Variants in SULT1C2 observed in about 807,000 individuals in gnomAD.
SULT1C2 encodes the protein sulfotransferase 1C2.
In SULT1C2, 27 loss-of-function variants were observed where a neutral mutation model predicts 36.0. The observed-to-expected ratio is 0.75, with a 90% CI of 0.55 to 1.03. The LOEUF (loss-of-function observed/expected upper bound fraction) is 1.03, where lower values mean the gene tolerates loss of function less well. Among genes scored for constraint, SULT1C2 ranks in the 50% least tolerant of loss-of-function variants. SULT1C2 has a pLI of 0.00. For missense variants in SULT1C2, 395 were observed against 359.2 expected (o/e 1.10, Z -0.80); for synonymous variants, 121 against 116.0 (o/e 1.04, Z -0.27).
At chr2:108,298,009 G>A (rs1470081564) in intron 3 of SULT1C2, among the ~76,000 whole-genome samples, 1 of 152,208 alleles carries the variant, frequency 6.6e-6, no homozygotes, top group African/African-American at 2.4e-5. Context: ...ACTGCCCACA[G>A]GGCATTAAAT....
At chr2:108,294,402 C>T in intron 3 of SULT1C2, 48 bp downstream of exon 3, 2 of 1,572,480 alleles carry the variant, frequency 1.3e-6, no homozygotes, top group Non-Finnish European at 1.7e-6. Flanking sequence ...TTCCCTCTCT[C>T]TTCTGTTTTC....
chr2:108,304,837 C>A, intron 5 of SULT1C2, 137 bp downstream of exon 5: 1 of 1,214,808 alleles, frequency 8.2e-7, no homozygotes, highest in Non-Finnish European at 1.1e-6. Context: ...CTGGGCAGAG[C>A]AAGCTGGCCA....
intron 3 of SULT1C2, chr2:108,299,875 A>G (rs901260243): frequency 4.6e-5 from 7 of 152,226 alleles, no homozygotes; most frequent in African/African-American, 1.7e-4. Context: ...TGGATATACA[A>G]TGGAACATTA....
At chr2:108,290,890 A>T (rs1371117517) in intron 1 of SULT1C2, among the ~76,000 whole-genome samples, 1 of 152,268 alleles carries the variant, frequency 6.6e-6, no homozygotes, top group African/African-American at 2.4e-5. Flanking sequence ...CTTTTTGTTC[A>T]TAACTATGTA....
At position 108,308,589 on chromosome 2, in the gene SULT1C2, C is replaced by A; in HGVS notation, c.*125C>A. On this transcript the variant is annotated 3_prime_UTR_variant, in exon 8 of 8. Transcript: ENST00000251481. ...ATGTATACAATGTAGTACAAACAAT[C>A]TCTGTGATGATTAACAGTATGTCAC... 1 of 726,428 alleles carries A rather than the reference C, an allele frequency of 1.4e-6. No individual in the cohort carries two copies. The highest frequency in any genetic ancestry group is 2.1e-6 in the Non-Finnish European group (1 of 465,118). The allele number at this position is 726,428 out of a possible 1,614,324, so 45.0% of individuals were successfully genotyped here.
chr2:108,303,938 G>A (rs1197592623), intron 4 of SULT1C2: 3 of 152,230 alleles, frequency 2.0e-5, no homozygotes, highest in Admixed American at 2.0e-4. Flanking sequence ...TCATAGATCT[G>A]AGATGCATAG....
At chr2:108,297,914 T>C (rs1463846344) in intron 3 of SULT1C2, among the ~76,000 whole-genome samples, 1 of 152,168 alleles carries the variant, frequency 6.6e-6, no homozygotes, top group East Asian at 1.9e-4. Flanking sequence ...GCAGGAAGGA[T>C]GACTGTGAGC....
intron 3 of SULT1C2, among the ~76,000 whole-genome samples, chr2:108,296,844 G>A (rs527512427): frequency 5.3e-4 from 80 of 152,266 alleles, no homozygotes; most frequent in South Asian, 1.2e-3. Flanking sequence ...CATGGCTGTC[G>A]GCCAAAGGTC....
rs766173114 is a variant in SULT1C2, at chr2:108,308,347, T to C, written c.779-5T>C. 8.2e-5 allele frequency: 132 copies of C among 1,601,416 alleles called. 1 individual carries two copies. In the Admixed American group the frequency reaches 1.5e-3, roughly 18 times the overall value. ...GACACTCCTGTCTGGCCTTCCTTTT[T>C]CTAGGAACTGTGGGGGATTGGAAAA... is the stretch of plus-strand genomic sequence containing the variant. On this transcript the variant is annotated splice_region_variant and splice_polypyrimidine_tract_variant and intron_variant, in intron 7 of 7. Transcript: ENST00000251481.
intron 6 of SULT1C2, 27 bp downstream of exon 6, chr2:108,305,293 AT>A: frequency 6.2e-7 from 1 of 1,613,490 alleles, no homozygotes; most frequent in Non-Finnish European, 8.5e-7. Flanking sequence ...CAGAAGAACC[AT>A]TTTAAAGTGG....
chr2:108,308,476 ATAAAAT>A lies in SULT1C2; in HGVS notation c.*18_*23del. 6.3e-7 allele frequency: 1 copy of A among 1,592,078 alleles called. No homozygotes were observed. Among genetic ancestry groups the A allele is most frequent in the Non-Finnish European group, 8.5e-7 (1 of 1,172,478 alleles). ...GCATGGAACTCTGAGCAAGATGTAA[ATAAAAT>A]TAAAAGGTGGATGGCAAGAGTGCAA... On this transcript the variant is annotated 3_prime_UTR_variant, in exon 8 of 8. Coordinates refer to ENST00000251481, the MANE Select transcript of SULT1C2 (RefSeq NM_001056.4).
In SULT1C2 at chr2:108,290,028, G is replaced by T. The variant is rs143831133; in HGVS notation, c.-22+958G>T. On this transcript the variant is annotated intron_variant, in intron 1 of 7. Transcript: ENST00000251481. Reference sequence around the variant, plus strand: ...CCAGGCCCTCGGTCATCAGCTACCTGCCCAGAGCACAACGCCTACCACAGA... The same window carrying T: ...CCAGGCCCTCGGTCATCAGCTACCTTCCCAGAGCACAACGCCTACCACAGA... Among the ~76,000 whole-genome samples the T allele has an allele frequency of 5.3e-5, 8 of 152,310 alleles. No individual in the cohort carries two copies. The East Asian group carries it at 1.2e-3, about 22-fold the overall frequency.
intron 7 of SULT1C2, among the ~76,000 whole-genome samples, chr2:108,306,138 C>T (rs1453390062): frequency 2.0e-5 from 3 of 152,204 alleles, no homozygotes; most frequent in Admixed American, 6.5e-5. Flanking sequence ...TTGACCCTTA[C>T]CCAAACCTGC....
intron 1 of SULT1C2, among the ~76,000 whole-genome samples, chr2:108,292,870 A>T (rs1676626607): frequency 6.6e-6 from 1 of 152,236 alleles, no homozygotes. Flanking sequence ...AGTTTCCATC[A>T]ATAGATGACT....
chr2:108,295,088 G>A (rs1401203768), intron 3 of SULT1C2, among the ~76,000 whole-genome samples: 1 of 152,184 alleles, frequency 6.6e-6, no homozygotes, highest in Non-Finnish European at 1.5e-5. Flanking sequence ...ATGAAGTCTA[G>A]ACTTGGAGCA....
At chr2:108,290,574 G>A (rs75707522) in intron 1 of SULT1C2, among the ~76,000 whole-genome samples, 11 of 152,294 alleles carry the variant, frequency 7.2e-5, no homozygotes, top group Non-Finnish European at 1.6e-4. Flanking sequence ...AAAAGTCCAA[G>A]AGCATGGTGC....
At position 108,309,751 on chromosome 2, in the gene SULT1C2, A is replaced by AG. The variant is rs1477600154; in HGVS notation, c.*1288dup. The AG allele has an allele frequency of 1.3e-5, 2 of 149,064 alleles. No homozygotes were observed. The highest frequency in any genetic ancestry group is 2.0e-4 in the East Asian group (1 of 5,070). 9.2% of individuals were successfully genotyped at this position (149,064 alleles called of 1,614,324 possible). On this transcript the variant is annotated 3_prime_UTR_variant, in exon 8 of 8. Coordinates refer to ENST00000251481, the MANE Select transcript of SULT1C2 (RefSeq NM_001056.4). ...GTTAAAATGCTTCTCCCTGAAAAAG[A>AG]GAAAAAAAAAAGGAAAAAAAGAAAA...
In SULT1C2 at chr2:108,294,363, A is replaced by T; in HGVS notation, c.277+9A>T. Reference sequence around the variant, plus strand: ...GCCACCCCAACCTTCTGGTGAGAGCACCTCCCTCTTTCTCTCTTCCTGCTT... The same window carrying T: ...GCCACCCCAACCTTCTGGTGAGAGCTCCTCCCTCTTTCTCTCTTCCTGCTT... On this transcript the variant is annotated intron_variant, in intron 3 of 7. Coordinates refer to ENST00000251481, the MANE Select transcript of SULT1C2 (RefSeq NM_001056.4). 6.4e-7 allele frequency: 1 copy of T among 1,551,150 alleles called. No homozygotes were observed. Among genetic ancestry groups the T allele is most frequent in the South Asian group, 1.1e-5 (1 of 87,834 alleles).
chr2:108,300,837 G>T lies in SULT1C2; in HGVS notation c.278-1G>T. On this transcript the variant is annotated splice_acceptor_variant, in intron 3 of 7. Coordinates refer to ENST00000251481, the MANE Select transcript of SULT1C2 (RefSeq NM_001056.4). LOFTEE classifies it high-confidence loss of function. ...ATGTTTCCTCTTGAGCTATTTTAAA[G>T]GTGTGGAAAAAGCCAAAGCAATGCC... 6.2e-7 allele frequency: 1 copy of T among 1,614,114 alleles called. No homozygotes were observed. The highest frequency in any genetic ancestry group is 1.6e-4 in the Middle Eastern group (1 of 6,062).
Sources: allele counts gnomAD v4.1 joint callset (sites outside exome capture counted in the v4.1 genomes callset), GRCh38; gene constraint gnomAD v4.1.1; transcripts MANE v1.5; gene names NCBI Gene and HGNC (gene_info 2026-07-23, HGNC 2026-07-21).